Variants in MMD2 observed in about 807,000 individuals in gnomAD.
MMD2 encodes the protein monocyte to macrophage differentiation factor 2.
In MMD2, 30 loss-of-function variants were observed where a neutral mutation model predicts 33.5. The ratio of observed to expected loss-of-function variants is 0.90; its 90% CI spans 0.67 to 1.22. The LOEUF is 1.22. MMD2 is among the 50% of genes most tolerant of loss of function. The pLI, the probability that MMD2 is intolerant of heterozygous loss-of-function variation, is 0.00. For synonymous variants in MMD2, 129 were observed against 123.0 expected, an observed-to-expected ratio of 1.05 and a Z score of -0.32; for missense variants, 364 against 325.4, an observed-to-expected ratio of 1.12 and a Z score of -0.91.
At position 4,907,319 on chromosome 7, in the gene MMD2, C is replaced by T. The variant is rs374106098; in HGVS notation, c.*77G>A. 2.4e-5 allele frequency: 34 copies of T among 1,426,214 alleles called. No individual in the cohort carries two copies. Among genetic ancestry groups the T allele is most frequent in the Admixed American group, 5.1e-5 (3 of 58,986 alleles). The allele number at this position is 1,426,214 out of a possible 1,614,324, so 88.3% of individuals were successfully genotyped here. On this transcript the variant is annotated 3_prime_UTR_variant, in exon 7 of 7. Transcript: ENST00000401401. Reference sequence around the variant, plus strand: ...CCAATAAAGGGAAGACAGGCCTTGGCGCTGTGCTCTGGGTTAACGTTCACA... The same window carrying T: ...CCAATAAAGGGAAGACAGGCCTTGGTGCTGTGCTCTGGGTTAACGTTCACA...
chr7:4,905,000 A>C (rs1375380696), downstream of MMD2, among the ~76,000 whole-genome samples: 1 of 152,150 alleles, frequency 6.6e-6, no homozygotes. Context: ...GATGAGTAGG[A>C]GTAAGTTGCA....
chr7:4,897,215 A>T, the MMD2 span, among the ~76,000 whole-genome samples: 1 of 145,452 alleles, frequency 6.9e-6, no homozygotes, highest in African/African-American at 2.6e-5. Context: ...AAGAATTGGC[A>T]GGTGTTATAT....
chr7:4,932,662 G>T (rs1025054575), intron 1 of MMD2, among the ~76,000 whole-genome samples: 6 of 148,572 alleles, frequency 4.0e-5, no homozygotes, highest in African/African-American at 1.5e-4. Context: ...TTGCTCTGTC[G>T]CCCAGACTGA....
At position 4,949,996 on chromosome 7, in the gene MMD2, C is replaced by T. The variant is rs192329390; in HGVS notation, c.47+8975G>A. ...GGTATTTTTAGAATAATTTTTTTCA[C>T]TGTGGTAAAACACACATCAAATGTA... is the stretch of plus-strand genomic sequence containing the variant. On this transcript the variant is annotated intron_variant, in intron 1 of 6. Coordinates refer to ENST00000401401, the MANE Select transcript of MMD2 (RefSeq NM_198403.4). Among the ~76,000 whole-genome samples the T allele has an allele frequency of 3.3e-5, 5 of 152,168 alleles. No individual in the cohort carries two copies. In the East Asian group the frequency reaches 9.6e-4, roughly 29 times the overall value.
chr7:4,944,760 CTTTTTTTTT>C (rs142716643), intron 1 of MMD2, among the ~76,000 whole-genome samples: 2 of 75,276 alleles, frequency 2.7e-5, no homozygotes, highest in African/African-American at 1.2e-4. Context: ...TCTTCTTCTT[CTTTTTTTTT>C]TTTTTTTTTT....
At chr7:4,958,937 TC>T in intron 1 of MMD2, 33 bp downstream of exon 1, 1 of 1,092,146 alleles carries the variant, frequency 9.2e-7, no homozygotes, top group South Asian at 3.0e-5. Flanking sequence ...CGCCCCTCCC[TC>T]CCTCCCCGCG....
At chr7:4,956,772 G>A (rs1027054622) in intron 1 of MMD2, among the ~76,000 whole-genome samples, 11 of 152,132 alleles carry the variant, frequency 7.2e-5, no homozygotes, top group African/African-American at 7.2e-5. Flanking sequence ...GGACAGGCCC[G>A]GGCTGGTTGC....
downstream of MMD2, among the ~76,000 whole-genome samples, chr7:4,901,338 G>A (rs1435567501): frequency 6.6e-6 from 1 of 152,052 alleles, no homozygotes; most frequent in Admixed American, 6.6e-5. Context: ...CTACTTGGGA[G>A]GCTGAGGCAA....
intron 2 of MMD2, among the ~76,000 whole-genome samples, chr7:4,924,826 T>A (rs1229947768): frequency 6.6e-6 from 1 of 152,146 alleles, no homozygotes; most frequent in African/African-American, 2.4e-5. Context: ...TGTTTGAGCC[T>A]GAGAGCAAGA....
At chr7:4,952,961 G>C (rs556093286) in intron 1 of MMD2, among the ~76,000 whole-genome samples, 22 of 152,016 alleles carry the variant, frequency 1.4e-4, no homozygotes, top group African/African-American at 5.1e-4. Flanking sequence ...AAAGGCGTGA[G>C]CCACCACACC....
chr7:4,924,060 C>T (rs1050376974), intron 2 of MMD2, among the ~76,000 whole-genome samples: 3 of 152,122 alleles, frequency 2.0e-5, no homozygotes, highest in African/African-American at 2.4e-5. Flanking sequence ...GGCTTGGTGG[C>T]GGGCGCCTGT....
At chr7:4,905,516 G>A (rs1562472536), downstream of MMD2, among the ~76,000 whole-genome samples, 2 of 151,882 alleles carry the variant, frequency 1.3e-5, no homozygotes, top group African/African-American at 4.8e-5. This position sits in a 1 kb window ranked among gnomAD's most constrained non-coding sequence, Gnocchi z 5.0. Context: ...AAGGAAGCAA[G>A]GAAGAAGGAG....
rs1170584643 is a variant in MMD2, at chr7:4,959,041, G to A, written c.-24C>T. The A allele has an allele frequency of 3.5e-5, 44 of 1,255,982 alleles. No individual in the cohort carries two copies. The highest frequency in any genetic ancestry group is 3.9e-5 in the Non-Finnish European group (39 of 992,290). 77.8% of individuals were successfully genotyped at this position (1,255,982 alleles called of 1,614,324 possible). On this transcript the variant is annotated 5_prime_UTR_variant, in exon 1 of 7. Transcript: ENST00000401401. ...ATCGCGGCGCTTCCATGGGAATCTG[G>A]CCCCGGGCTCAGAGCGCGGGTAGCT...
At chr7:4,904,864 T>C (rs1399489848), downstream of MMD2, among the ~76,000 whole-genome samples, 1 of 152,094 alleles carries the variant, frequency 6.6e-6, no homozygotes, top group African/African-American at 2.4e-5. Flanking sequence ...AGCTGCATGA[T>C]GAAGGATGGG....
the MMD2 span, among the ~76,000 whole-genome samples, chr7:4,893,379 T>G: frequency 6.6e-6 from 1 of 150,404 alleles, no homozygotes; most frequent in East Asian, 1.9e-4. Flanking sequence ...TTTATTTATT[T>G]ATTTATTTAT....
intron 1 of MMD2, among the ~76,000 whole-genome samples, chr7:4,938,252 G>T (rs897766788): frequency 6.6e-6 from 1 of 151,456 alleles, no homozygotes; most frequent in African/African-American, 2.4e-5. Flanking sequence ...CTCGTGATCC[G>T]CCCACCTCAG....
rs1306957465 is a variant in MMD2, at chr7:4,934,120, A to G, written c.48-8588T>C. Among the ~76,000 whole-genome samples, 4 of 148,670 alleles carry G rather than the reference A, an allele frequency of 2.7e-5. No individual in the cohort carries two copies. In the East Asian group the frequency reaches 8.1e-4, roughly 30 times the overall value. On this transcript the variant is annotated intron_variant, in intron 1 of 6. Transcript: ENST00000401401. Reference sequence around the variant, plus strand: ...AATTTTTGAATTTTGACTACAGATGAGGTTTTGCCATGTTGGCCAGGCTGG... The same window carrying G: ...AATTTTTGAATTTTGACTACAGATGGGGTTTTGCCATGTTGGCCAGGCTGG...
At chr7:4,931,639 A>G (rs1383223782) in intron 1 of MMD2, among the ~76,000 whole-genome samples, 1 of 152,068 alleles carries the variant, frequency 6.6e-6, no homozygotes, top group African/African-American at 2.4e-5. Flanking sequence ...TGTGTTGCTC[A>G]GGCTGGTCTC....
chr7:4,930,871 G>A (rs1342044358), intron 1 of MMD2, among the ~76,000 whole-genome samples: 1 of 152,030 alleles, frequency 6.6e-6, no homozygotes, highest in Non-Finnish European at 1.5e-5. Flanking sequence ...TTTAATTTGA[G>A]ACCGAGTCTT....
Sources: gnomAD v4.1 joint callset for allele counts (sites outside exome capture counted in the v4.1 genomes callset) on GRCh38, gnomAD v4.1.1 for gene constraint, Gnocchi (gnomAD v3.1) non-coding constraint, MANE v1.5 for transcripts, NCBI Gene and HGNC (gene_info 2026-07-23, HGNC 2026-07-21) for gene names.